CLEC4F: variants seen among roughly 807,000 people sequenced by gnomAD.
The protein encoded by CLEC4F is C-type lectin domain family 4 member F.
In CLEC4F, 45 loss-of-function variants were observed where a neutral mutation model predicts 53.4. That is an observed-to-expected ratio of 0.84 (90% CI 0.66 to 1.08). CLEC4F has a LOEUF of 1.08. Ranked by LOEUF, CLEC4F falls within the 50% of genes least tolerant of loss-of-function variation. CLEC4F has a pLI of 0.00. For missense variants in CLEC4F, 753 were observed against 698.2 expected, an observed-to-expected ratio of 1.08 and a Z score of -0.88; for synonymous variants, 245 against 257.5, an observed-to-expected ratio of 0.95 and a Z score of 0.46.
upstream of CLEC4F, among the ~76,000 whole-genome samples, chr2:70,825,128 A>G (rs1003663913): frequency 1.1e-4 from 16 of 152,220 alleles, no homozygotes; most frequent in Non-Finnish European, 2.2e-4. Flanking sequence ...CTTCCTCCTG[A>G]AACTCAGTAC....
chr2:70,811,500 TAAG>T (rs1381612892), intron 5 of CLEC4F: 6 of 461,790 alleles, frequency 1.3e-5, no homozygotes, highest in Admixed American at 8.7e-5. Context: ...CATAGCTTAT[TAAG>T]AAGATGTGTT....
At chr2:70,811,231 A>G (rs555816038) in intron 5 of CLEC4F, 2 of 850,214 alleles carry the variant, frequency 2.4e-6, no homozygotes, top group Non-Finnish European at 3.9e-6. Flanking sequence ...AGCAAGTCCA[A>G]TTAGCTCAAG....
intron 5 of CLEC4F, 50 bp downstream of exon 5, chr2:70,812,397 C>G: frequency 1.2e-6 from 2 of 1,605,874 alleles, no homozygotes; most frequent in East Asian, 2.2e-5. Context: ...ACCAAAGTCC[C>G]TTATTCCACA....
chr2:70,818,450 G>A (rs1285738185), intron 3 of CLEC4F, among the ~76,000 whole-genome samples: 1 of 152,114 alleles, frequency 6.6e-6, no homozygotes, highest in African/African-American at 2.4e-5. Context: ...GGTGGCTCAC[G>A]CCTGTAATCC....
upstream of CLEC4F, among the ~76,000 whole-genome samples, chr2:70,824,336 C>G (rs1326810812): frequency 3.9e-5 from 6 of 152,160 alleles, no homozygotes; most frequent in East Asian, 9.7e-4. Context: ...TGCCTCTCCT[C>G]TTACCCCCTC....
chr2:70,816,497 G>A lies in CLEC4F; in HGVS notation c.884C>T (p.Thr295Ile), dbSNP rs1676921518. The change falls in exon 4 of 7, where the codon ACA becomes ATA. Residue 295 changes from threonine to isoleucine, a missense_variant. Physicochemically the swap from Thr to Ile is moderately conservative, Grantham distance 89. Transcript: ENST00000272367. ...CTGGGTCTGGGAGTTTAAAGCATTTGTGTTCTGCAAATTTTCCTTTAGTCC... is the reference window on the plus strand; with the variant it reads ...CTGGGTCTGGGAGTTTAAAGCATTTATGTTCTGCAAATTTTCCTTTAGTCC... ...IQGLKENLQNTNALNSQTQAF... is the reference protein window; with the variant it reads ...IQGLKENLQNINALNSQTQAF... 1.9e-6 allele frequency: 3 copies of A among 1,614,158 alleles called. No homozygotes were observed. In the African/African-American group the frequency reaches 4.0e-5, roughly 22 times the overall value.
At chr2:70,822,589 G>C (rs1009339162), upstream of CLEC4F, among the ~76,000 whole-genome samples, 2 of 152,156 alleles carry the variant, frequency 1.3e-5, no homozygotes, top group African/African-American at 4.8e-5. Context: ...ATATTCCCAT[G>C]GCTGGTCAAG....
At chr2:70,817,592 T>G (rs2104668553) in intron 3 of CLEC4F, among the ~76,000 whole-genome samples, 1 of 152,342 alleles carries the variant, frequency 6.6e-6, no homozygotes, top group South Asian at 2.1e-4. Context: ...TAGAGCCTCT[T>G]GATTCACCAT....
intron 4 of CLEC4F, among the ~76,000 whole-genome samples, chr2:70,815,208 G>A (rs1022176110): frequency 6.6e-6 from 1 of 152,094 alleles, no homozygotes. Context: ...TCATGATTTT[G>A]TGTCTCCATG....
At chr2:70,820,643 C>T (rs938513446), upstream of CLEC4F, 7 of 943,362 alleles carry the variant, frequency 7.4e-6, no homozygotes, top group African/African-American at 1.7e-5. Context: ...TCCTGACCAC[C>T]CTCCCAGCTC....
Position 70,809,150 on chromosome 2 carries a change from G to C in CLEC4F, c.*121C>G. 1.9e-6 allele frequency: 3 copies of C among 1,553,020 alleles called. No individual in the cohort carries two copies. The highest frequency in any genetic ancestry group is 2.6e-6 in the Non-Finnish European group (3 of 1,147,716). On this transcript the variant is annotated 3_prime_UTR_variant, in exon 7 of 7. Coordinates refer to ENST00000272367, the MANE Select transcript of CLEC4F (RefSeq NM_173535.3). Reference sequence around the variant, plus strand: ...TTCCTGGTGCTGTGGCTCCTAGGGAGCTGACATGGGATGAGTCTAGGGAGC... The same window carrying C: ...TTCCTGGTGCTGTGGCTCCTAGGGACCTGACATGGGATGAGTCTAGGGAGC...
chr2:70,811,652 G>T (rs1486702173), intron 5 of CLEC4F, among the ~76,000 whole-genome samples: 1 of 152,152 alleles, frequency 6.6e-6, no homozygotes, highest in Non-Finnish European at 1.5e-5. Context: ...TTCTGATAAG[G>T]ACCACGACAG....
At position 70,816,325 on chromosome 2, in the gene CLEC4F, C is replaced by T; in HGVS notation, c.1056G>A (p.Leu352=). The T allele has an allele frequency of 1.9e-6, 3 of 1,614,204 alleles. No individual in the cohort carries two copies. Among genetic ancestry groups the T allele is most frequent in the South Asian group, 1.1e-5 (1 of 91,080 alleles). ...CCTGAATCTGAGTATCTGTCTGGTC[C>T]AGACGGCCATTTGCTTTTTGGGTCT... is the stretch of plus-strand genomic sequence containing the variant. ...TAQTQKANGR[L]DQTDTQIQVF... The change falls in exon 4 of 7, where the codon CTG becomes CTA. Residue 352 remains leucine (L), a synonymous_variant. Coordinates refer to ENST00000272367, the MANE Select transcript of CLEC4F (RefSeq NM_173535.3).
chr2:70,822,064 C>T (rs1359289480), upstream of CLEC4F, among the ~76,000 whole-genome samples: 1 of 152,106 alleles, frequency 6.6e-6, no homozygotes, highest in Non-Finnish European at 1.5e-5. Context: ...TAGCCAGAAC[C>T]CCCAAATTTG....
rs1334831920 is a variant in CLEC4F, at chr2:70,820,466, G to A, written c.58C>T (p.Gln20Ter). 1.3e-6 allele frequency: 2 copies of A among 1,584,342 alleles called. No individual in the cohort carries two copies. Among genetic ancestry groups the A allele is most frequent in the Admixed American group, 1.8e-5 (1 of 56,780 alleles). The change falls in exon 1 of 7, where the codon CAA becomes TAA. Residue 20 changes from glutamine (Q) to a stop codon, truncating the protein, a stop_gained. Transcript: ENST00000272367. LOFTEE classifies it high-confidence loss of function. ...GCTGGGGCCCCAGTTTTCTCACCTT[G>A]GGGGTGCAGGGAGACACACTGGTTA... Reference protein sequence around the residue: ...TDNQCVSLHPQEVDSVAMAPA... With the variant: ...TDNQCVSLHP
At chr2:70,811,288 CT>C in intron 5 of CLEC4F, 2 of 1,037,752 alleles carry the variant, frequency 1.9e-6, no homozygotes, top group African/African-American at 1.6e-5. Context: ...TCATCTTGGC[CT>C]TTAGGTGCTT....
At chr2:70,821,095 CA>C (rs1677202053), upstream of CLEC4F, among the ~76,000 whole-genome samples, 2 of 152,100 alleles carry the variant, frequency 1.3e-5, no homozygotes, top group South Asian at 4.1e-4. Context: ...TGATTTTGTA[CA>C]AGGGACTTGA....
chr2:70,821,693 T>C (rs1234597117), upstream of CLEC4F, among the ~76,000 whole-genome samples: 1 of 152,188 alleles, frequency 6.6e-6, no homozygotes, highest in Non-Finnish European at 1.5e-5. Context: ...TAGTGAATTA[T>C]GAAAACTGAG....
chr2:70,824,751 G>A (rs1165571536), upstream of CLEC4F, among the ~76,000 whole-genome samples: 1 of 151,368 alleles, frequency 6.6e-6, no homozygotes, highest in Non-Finnish European at 1.5e-5. Flanking sequence ...AAATAAAATA[G>A]TATTGGATTA....
Sources: allele counts gnomAD v4.1 joint callset (sites outside exome capture counted in the v4.1 genomes callset), GRCh38; gene constraint gnomAD v4.1.1; transcripts MANE v1.5; gene names NCBI Gene and HGNC (gene_info 2026-07-23, HGNC 2026-07-21).